AGRN: variants seen among roughly 807,000 people sequenced by gnomAD.
The protein encoded by AGRN is agrin.
A neutral mutation model predicts 211.0 loss-of-function variants in AGRN; 106 were observed. The ratio of observed to expected loss-of-function variants is 0.50; its 90% confidence interval spans 0.43 to 0.59. AGRN has a LOEUF of 0.59. AGRN is among the 20% of genes least tolerant of loss of function. The pLI, the probability that AGRN is intolerant of heterozygous loss-of-function variation, is 0.00. For synonymous variants in AGRN, 1,525 were observed against 1,332.5 expected (o/e 1.14, Z -3.15); for missense variants, 3,040 against 2,982.6 (o/e 1.02, Z -0.45).
In AGRN at chr1:1,029,040, C is replaced by G. The variant is rs181378519; in HGVS notation, c.464-6237C>G. Among the ~76,000 whole-genome samples the G allele has an allele frequency of 7.2e-3, 500 of 69,828 alleles. 1 individual carries two copies. Among genetic ancestry groups the G allele is most frequent in the Non-Finnish European group, 0.011 (332 of 29,144 alleles). The allele number at this position is 69,828 out of a possible 152,430, so 45.8% of individuals were successfully genotyped here. Reference sequence around the variant, plus strand: ...CCCTCGTGGGCCAAGGGCGCCCACACCCACGCCACCCTCTCCCAAGGAACC... The same window carrying G: ...CCCTCGTGGGCCAAGGGCGCCCACAGCCACGCCACCCTCTCCCAAGGAACC... On this transcript the variant is annotated intron_variant, in intron 2 of 35. Coordinates refer to ENST00000379370, the MANE Select transcript of AGRN (RefSeq NM_198576.4).
Position 1,041,162 on chromosome 1 carries a change from C to G in AGRN, c.728-11C>G. On this transcript the variant is annotated splice_polypyrimidine_tract_variant and intron_variant, in intron 4 of 35. Transcript: ENST00000379370. ...GGGCGGCCCGTCTGACCGGCAAAGC[C>G]CCGCCCGCAGGCTCGCGGGACCCCT... The G allele has an allele frequency of 7.2e-7, 1 of 1,393,004 alleles. No homozygotes were observed. The highest frequency in any genetic ancestry group is 9.3e-7 in the Non-Finnish European group (1 of 1,076,124). 86.3% of individuals were successfully genotyped at this position (1,393,004 alleles called of 1,614,324 possible). A position where few individuals can be genotyped will look rare whatever the true frequency, so the allele number is the denominator to read the frequency against.
chr1:1,025,923 C>T (rs371677093), intron 2 of AGRN, among the ~76,000 whole-genome samples: 8 of 152,182 alleles, frequency 5.3e-5, no homozygotes, highest in Non-Finnish European at 8.8e-5. Context: ...CGGTGCTTCC[C>T]GCCTGCGTGA....
At chr1:1,033,711 C>T in intron 2 of AGRN, among the ~76,000 whole-genome samples, 1 of 134,414 alleles carries the variant, frequency 7.4e-6, no homozygotes, top group Non-Finnish European at 1.6e-5. Context: ...CAGTCCCACC[C>T]CCAGTCCCAA....
rs1557711791 is a variant in AGRN, at chr1:1,046,952, GC to G, written c.3387del (p.Ala1130ProfsTer108). ...TPSLDAEGSN[C>X]PATKVFQGVL... The stretch of plus-strand genomic sequence containing the variant: ...TCGCTGGACGCAGAGGGCTCCAACT[GC>G]CCCGGTGAGTGGACGGCTGGGCGAG... On this transcript the variant is annotated frameshift_variant, in exon 19 of 36. Coordinates refer to ENST00000379370, the MANE Select transcript of AGRN (RefSeq NM_198576.4). LOFTEE classifies it high-confidence loss of function. 1 of 1,578,612 alleles carries G rather than the reference GC, an allele frequency of 6.3e-7. No individual in the cohort carries two copies. The highest frequency in any genetic ancestry group is 8.6e-7 in the Non-Finnish European group (1 of 1,163,130).
At position 1,032,069 on chromosome 1, in the gene AGRN, T is replaced by G. The variant is rs1383605258; in HGVS notation, c.464-3208T>G. Among the ~76,000 whole-genome samples, 1 of 152,162 alleles carries G rather than the reference T, an allele frequency of 6.6e-6. No individual in the cohort carries two copies. Among genetic ancestry groups the G allele is most frequent in the African/African-American group, 2.4e-5 (1 of 41,426 alleles). On this transcript the variant is annotated intron_variant, in intron 2 of 35. Coordinates refer to ENST00000379370, the MANE Select transcript of AGRN (RefSeq NM_198576.4). This position sits in a 1 kb window ranked among gnomAD's most constrained non-coding sequence, Gnocchi z 4.7. ...AACACTGTCAGCCTGGTGTGGACAGTGCCAAGGTCCAGCAGGGTGGGGTGG... is the reference window on the plus strand; with the variant it reads ...AACACTGTCAGCCTGGTGTGGACAGGGCCAAGGTCCAGCAGGGTGGGGTGG...
At chr1:1,023,239 C>T (rs984081857) in intron 2 of AGRN, among the ~76,000 whole-genome samples, 3 of 152,184 alleles carry the variant, frequency 2.0e-5, no homozygotes, top group African/African-American at 7.2e-5. Context: ...CGATCTGCTC[C>T]GTTGGCCGGC....
rs774840469 is a variant in AGRN at position 1,045,461 on chromosome 1, G to T, written c.2474G>T (p.Arg825Leu). ...RPGVGGLRCDRCEPGFWNFRG... is the reference protein window; with the variant it reads ...RPGVGGLRCDLCEPGFWNFRG... The stretch of plus-strand genomic sequence containing the variant: ...GGTGTGGGGGGCCTCAGGTGTGACC[G>T]CTGTGAGCCTGGCTTCTGGAACTTT... Residue 825 changes from arginine to leucine, a missense_variant, in exon 14 of 36, where the codon CGC (arginine) becomes CTC (leucine). Coordinates refer to ENST00000379370, the MANE Select transcript of AGRN (RefSeq NM_198576.4). 1.2e-6 allele frequency: 2 copies of T among 1,612,682 alleles called. No individual in the cohort carries two copies. The highest frequency in any genetic ancestry group is 1.3e-5 in the African/African-American group (1 of 74,928).
chr1:1,035,863 C>T (rs1051572491), intron 3 of AGRN, among the ~76,000 whole-genome samples: 8 of 149,276 alleles, frequency 5.4e-5, no homozygotes, highest in South Asian at 2.2e-4. Context: ...ATGGAGGGGG[C>T]GGGCTGACCT....
Position 1,050,151 on chromosome 1 carries a change from G to C in AGRN, c.4880-82G>C, listed in dbSNP as rs780608120. Reference sequence around the variant, plus strand: ...TGCGGCTCAGTCTAGTCTGGGTTTTGAGTTAGGATCCACACACGGCTGGCA... The same window carrying C: ...TGCGGCTCAGTCTAGTCTGGGTTTTCAGTTAGGATCCACACACGGCTGGCA... On this transcript the variant is annotated intron_variant, in intron 27 of 35. Transcript: ENST00000379370. 4.4e-6 allele frequency: 7 copies of C among 1,596,432 alleles called. No individual in the cohort carries two copies. In the Admixed American group the frequency reaches 8.4e-5, roughly 19 times the overall value.
chr1:1,036,207 T>C (rs138278704), intron 3 of AGRN, among the ~76,000 whole-genome samples: 3 of 152,282 alleles, frequency 2.0e-5, no homozygotes, highest in Non-Finnish European at 2.9e-5. Flanking sequence ...GACAGAGCCC[T>C]GGGCTGGATA....
chr1:1,029,142 T>A (rs1030616834), intron 2 of AGRN, among the ~76,000 whole-genome samples: 1 of 151,018 alleles, frequency 6.6e-6, no homozygotes, highest in African/African-American at 2.4e-5. Flanking sequence ...CCAGCCCCTC[T>A]GGGGCCTGCC....
intron 2 of AGRN, among the ~76,000 whole-genome samples, chr1:1,024,629 G>A (rs115114967): frequency 4.6e-5 from 7 of 152,216 alleles, no homozygotes; most frequent in African/African-American, 1.2e-4. Context: ...ACCCCTGCCC[G>A]GACACCGCCT....
In AGRN at chr1:1,044,431, C is replaced by T; in HGVS notation, c.2246C>T (p.Ala749Val). The T allele has an allele frequency of 6.2e-7, 1 of 1,608,772 alleles. No homozygotes were observed. The part of the protein sequence containing the change: ...QRGLYVAAQG[A>V]CRGPTFAPLP... The stretch of plus-strand genomic sequence containing the variant: ...GGGCTCTACGTAGCGGCCCAGGGAG[C>T]CTGCCGAGGTGAGCCGGCTGCACGT... Residue 749 changes from alanine (A) to valine (V), a missense_variant, in exon 12 of 36, where the codon GCC (alanine) becomes GTC (valine). This residue lies in a region of AGRN where 1,498 missense variants were observed against 1,457.8 expected (regional missense o/e 1.03). Coordinates refer to ENST00000379370, the MANE Select transcript of AGRN (RefSeq NM_198576.4).
intron 20 of AGRN, 40 bp downstream of exon 20, chr1:1,047,494 C>G (rs1645132751): frequency 6.2e-7 from 1 of 1,612,712 alleles, no homozygotes; most frequent in African/African-American, 1.3e-5. Flanking sequence ...CACTGGCCTT[C>G]CTCCCCAGAT....
intron 2 of AGRN, among the ~76,000 whole-genome samples, chr1:1,025,308 C>T (rs1304000057): frequency 6.6e-6 from 1 of 152,116 alleles, no homozygotes; most frequent in Admixed American, 6.5e-5. Context: ...GGCGTGTGCA[C>T]CCTCCCTTCC....
Position 1,051,713 on chromosome 1 carries a change from C to T in AGRN, c.5564-15C>T. 1 of 1,613,594 alleles carries T rather than the reference C, an allele frequency of 6.2e-7. No individual in the cohort carries two copies. On this transcript the variant is annotated splice_polypyrimidine_tract_variant and intron_variant, in intron 32 of 35. Transcript: ENST00000379370. ...GGAGCCCACGAGGCCCCACCCTCACCTGCCTATCTCACAGGGCTGGTGGAG... is the reference window on the plus strand; with the variant it reads ...GGAGCCCACGAGGCCCCACCCTCACTTGCCTATCTCACAGGGCTGGTGGAG...
At chr1:1,034,673 G>A in intron 2 of AGRN, 1 of 988,874 alleles carries the variant, frequency 1.0e-6, no homozygotes, top group Non-Finnish European at 1.2e-6. Flanking sequence ...CGCCACGCTC[G>A]GCTTCGCGGT....
chr1:1,024,885 C>T (rs933807840), intron 2 of AGRN, among the ~76,000 whole-genome samples: 2 of 152,224 alleles, frequency 1.3e-5, no homozygotes, highest in Admixed American at 1.3e-4. Flanking sequence ...CCGCTGCTCC[C>T]TCCGGAAGGA....
chr1:1,023,749 G>A (rs930169838), intron 2 of AGRN, among the ~76,000 whole-genome samples: 3 of 152,170 alleles, frequency 2.0e-5, no homozygotes, highest in South Asian at 2.1e-4. Flanking sequence ...GAGTCACCCC[G>A]GCTGAACGAG....
Sources: allele counts gnomAD v4.1 joint callset (sites outside exome capture counted in the v4.1 genomes callset), GRCh38; gene constraint gnomAD v4.1.1; regional missense constraint gnomAD v4.1.1; non-coding constraint Gnocchi (gnomAD v3.1); transcripts MANE v1.5; gene names NCBI Gene and HGNC (gene_info 2026-07-23, HGNC 2026-07-21).